ARHGEF3: variants seen among roughly 807,000 people sequenced by gnomAD.
ARHGEF3 encodes Rho guanine nucleotide exchange factor 3.
In ARHGEF3, 28 loss-of-function variants were observed where a neutral mutation model predicts 63.2. The ratio of observed to expected loss-of-function variants is 0.44; its 90% confidence interval spans 0.33 to 0.61. ARHGEF3 has a LOEUF of 0.61. Among genes scored for constraint, ARHGEF3 ranks in the 20% least tolerant of loss-of-function variants. ARHGEF3 has a pLI of 0.03. For missense variants in ARHGEF3, 533 were observed against 659.3 expected (o/e 0.81, Z 2.10); for synonymous variants, 266 against 254.2 (o/e 1.05, Z -0.44).
chr3:56,873,309 G>T (rs2040490496), intron 4 of ARHGEF3, among the ~76,000 whole-genome samples: 1 of 151,286 alleles, frequency 6.6e-6, no homozygotes, highest in Non-Finnish European at 1.5e-5. Flanking sequence ...TTGTTGTAGA[G>T]ATTATTTCAT....
chr3:56,930,809 C>A (rs189565000), intron 3 of ARHGEF3, among the ~76,000 whole-genome samples: 9 of 152,232 alleles, frequency 5.9e-5, no homozygotes, highest in African/African-American at 1.9e-4. Flanking sequence ...ATGTTCAATA[C>A]CACGCTCCAT....
At chr3:56,990,610 T>G (rs1441190039) in intron 2 of ARHGEF3, among the ~76,000 whole-genome samples, 1 of 152,160 alleles carries the variant, frequency 6.6e-6, no homozygotes, top group African/African-American at 2.4e-5. Flanking sequence ...CCTTGACTAT[T>G]CTTTGAGAGA....
intron 4 of ARHGEF3, among the ~76,000 whole-genome samples, chr3:56,815,681 G>A (rs1425412411): frequency 6.6e-6 from 1 of 152,222 alleles, no homozygotes; most frequent in Admixed American, 6.5e-5. Context: ...ATATACCACT[G>A]TCACTTAAAA....
chr3:56,772,339 A>G (rs1181276879), intron 2 of ARHGEF3, among the ~76,000 whole-genome samples: 1 of 152,198 alleles, frequency 6.6e-6, no homozygotes, highest in East Asian at 1.9e-4. Context: ...TATGGTAGGC[A>G]GGCAAGGACA....
In ARHGEF3 at chr3:56,801,823, G is replaced by A. The variant is rs1418133318; in HGVS notation, c.-25C>T. The A allele has an allele frequency of 1.3e-6, 2 of 1,553,558 alleles. No homozygotes were observed. Among genetic ancestry groups the A allele is most frequent in the East Asian group, 4.8e-5 (2 of 41,280 alleles). The stretch of plus-strand genomic sequence containing the variant: ...TGGCGGCTGCCGGGCCTGCCCTTTG[G>A]GATGTCACCGCTGACCCTAGGCGAC... On this transcript the variant is annotated 5_prime_UTR_variant, in exon 1 of 10. Coordinates refer to ENST00000296315, the MANE Select transcript of ARHGEF3 (RefSeq NM_019555.3).
At chr3:56,942,305 A>C (rs1354203403) in intron 3 of ARHGEF3, among the ~76,000 whole-genome samples, 3 of 152,220 alleles carry the variant, frequency 2.0e-5, no homozygotes, top group Non-Finnish European at 4.4e-5. Flanking sequence ...CTCAATTTGC[A>C]TCTCTGCATC....
intron 1 of ARHGEF3, among the ~76,000 whole-genome samples, chr3:56,779,457 G>A (rs1448547119): frequency 2.0e-5 from 3 of 152,076 alleles, no homozygotes; most frequent in Non-Finnish European, 4.4e-5. Flanking sequence ...CCTGCCTATG[G>A]TGCATGTCAA....
chr3:56,855,385 C>G (rs189948852), intron 4 of ARHGEF3, among the ~76,000 whole-genome samples: 1 of 152,042 alleles, frequency 6.6e-6, no homozygotes, highest in African/African-American at 2.4e-5. Flanking sequence ...TTTACTGATG[C>G]AAAAACAAGT....
At chr3:57,040,963 C>T (rs1704164442) in intron 1 of ARHGEF3, among the ~76,000 whole-genome samples, 1 of 152,000 alleles carries the variant, frequency 6.6e-6, no homozygotes, top group African/African-American at 2.4e-5. Flanking sequence ...CCATCTATAA[C>T]CCCATCTCCT....
chr3:57,013,596 T>C (rs1359207723), intron 2 of ARHGEF3, among the ~76,000 whole-genome samples: 2 of 152,204 alleles, frequency 1.3e-5, no homozygotes, highest in African/African-American at 2.4e-5. Flanking sequence ...TGGAGAACTT[T>C]TGTGTCTAGC....
At chr3:56,862,485 A>G (rs2040109703) in intron 4 of ARHGEF3, among the ~76,000 whole-genome samples, 1 of 152,212 alleles carries the variant, frequency 6.6e-6, no homozygotes, top group South Asian at 2.1e-4. Flanking sequence ...GAAGGTCAAC[A>G]GGGCTGCTCT....
At chr3:56,993,923 G>C (rs1235323519) in intron 2 of ARHGEF3, among the ~76,000 whole-genome samples, 23 of 150,976 alleles carry the variant, frequency 1.5e-4, no homozygotes, top group Admixed American at 1.5e-3. Flanking sequence ...AATTAGCCGG[G>C]CGTGGTGATG....
intron 8 of ARHGEF3, among the ~76,000 whole-genome samples, chr3:56,732,908 G>A (rs1240057620): frequency 2.6e-5 from 4 of 152,202 alleles, no homozygotes; most frequent in Non-Finnish European, 5.9e-5. Context: ...AGCACTTTGG[G>A]AGGCTGAAGT....
At chr3:56,887,818 C>G (rs2040974707) in intron 3 of ARHGEF3, among the ~76,000 whole-genome samples, 1 of 152,234 alleles carries the variant, frequency 6.6e-6, no homozygotes. Context: ...TCTCTGCACT[C>G]TGATTTCAGC....
chr3:57,077,133 C>G (rs1447639223), intron 1 of ARHGEF3, among the ~76,000 whole-genome samples: 2 of 152,156 alleles, frequency 1.3e-5, no homozygotes, highest in African/African-American at 4.8e-5. Context: ...AACTTGAACT[C>G]AAATGTTCAT....
chr3:56,779,905 T>C (rs1485860996), intron 1 of ARHGEF3, among the ~76,000 whole-genome samples: 5 of 152,232 alleles, frequency 3.3e-5, no homozygotes. Context: ...GCAGTGAGAA[T>C]TCTGTGGGTA....
At chr3:56,831,800 G>C (rs1559976551) in intron 4 of ARHGEF3, among the ~76,000 whole-genome samples, 1 of 152,222 alleles carries the variant, frequency 6.6e-6, no homozygotes, top group Non-Finnish European at 1.5e-5. Flanking sequence ...ACATCAACCA[G>C]TTACCATGTT....
chr3:56,969,934 C>G (rs566802107), intron 2 of ARHGEF3, among the ~76,000 whole-genome samples: 1 of 151,942 alleles, frequency 6.6e-6, no homozygotes, highest in East Asian at 1.9e-4. Flanking sequence ...TGAAAGAAGC[C>G]AGACACAAGG....
intron 4 of ARHGEF3, among the ~76,000 whole-genome samples, chr3:56,831,716 C>A (rs1350383827): frequency 6.6e-6 from 1 of 152,214 alleles, no homozygotes; most frequent in Non-Finnish European, 1.5e-5. Context: ...TGATCTCTTC[C>A]CAGCACACTG....
Sources: allele counts gnomAD v4.1 joint callset (sites outside exome capture counted in the v4.1 genomes callset), GRCh38; gene constraint gnomAD v4.1.1; transcripts MANE v1.5; gene names NCBI Gene and HGNC (gene_info 2026-07-23, HGNC 2026-07-21).